IL1RAPL2: variants seen among roughly 807,000 people sequenced by gnomAD.
IL1RAPL2 encodes X-linked interleukin-1 receptor accessory protein-like 2.
In IL1RAPL2, 3 loss-of-function variants were observed where a neutral mutation model predicts 44.1. That is an observed-to-expected ratio of 0.07 (90% CI 0.03 to 0.18). The LOEUF (loss-of-function observed/expected upper bound fraction) is 0.18, where lower values mean the gene tolerates loss of function less well. Ranked by LOEUF, IL1RAPL2 falls within the 10% of genes least tolerant of loss-of-function variation. The probability of loss-of-function intolerance (pLI) is 1.00; values close to 1 mark genes in which losing one functional copy is unlikely to be tolerated. For missense variants in IL1RAPL2, 391 were observed against 496.4 expected, an observed-to-expected ratio of 0.79 and a Z score of 2.02; for synonymous variants, 181 against 178.8, an observed-to-expected ratio of 1.01 and a Z score of -0.10.
At chrX:105,218,261 C>T (rs928440182) in intron 3 of IL1RAPL2, among the ~76,000 whole-genome samples, 6 of 111,309 alleles carry the variant, frequency 5.4e-5, no homozygotes, top group Admixed American at 3.8e-4. Context: ...TGCCTGTCTG[C>T]TCCCTGGAAC....
intron 2 of IL1RAPL2, among the ~76,000 whole-genome samples, chrX:104,989,227 T>C (rs930550872): frequency 9.0e-6 from 1 of 111,593 alleles, no homozygotes; most frequent in African/African-American, 3.3e-5. Context: ...ATTCTTATTA[T>C]GCTCTTGGCA....
At chrX:104,724,435 G>GC (rs1329544682) in intron 2 of IL1RAPL2, among the ~76,000 whole-genome samples, 1 of 111,481 alleles carries the variant, frequency 9.0e-6, no homozygotes, top group East Asian at 2.9e-4. Context: ...TGCACATTGT[G>GC]CACATGTACC....
intron 5 of IL1RAPL2, among the ~76,000 whole-genome samples, chrX:105,468,945 T>C (rs189001843): frequency 1.2e-3 from 136 of 111,557 alleles, no homozygotes; most frequent in African/African-American, 4.2e-3. Flanking sequence ...TTACATTTAA[T>C]AGGAAAAAAA....
chrX:105,407,141 C>T lies in IL1RAPL2; in HGVS notation c.698-77172C>T, dbSNP rs1221987337. ...ACTCAGTTGTCTAGAAGAAATAACACTGTAAGGAAATTAAAAAAAAAAAAA... is the reference window on the plus strand; with the variant it reads ...ACTCAGTTGTCTAGAAGAAATAACATTGTAAGGAAATTAAAAAAAAAAAAA... On this transcript the variant is annotated intron_variant, in intron 5 of 10. Coordinates refer to ENST00000372582, the MANE Select transcript of IL1RAPL2 (RefSeq NM_017416.2). 12 of 431,153 alleles carry T rather than the reference C, an allele frequency of 2.8e-5. No homozygotes were observed. In the African/African-American group the frequency reaches 3.8e-4, roughly 14 times the overall value. The allele number at this position is 431,153 out of a possible 1,213,427, so 35.5% of individuals were successfully genotyped here.
At chrX:105,525,030 G>A (rs1452819051) in intron 6 of IL1RAPL2, among the ~76,000 whole-genome samples, 2 of 111,330 alleles carry the variant, frequency 1.8e-5, no homozygotes, top group African/African-American at 6.5e-5. Context: ...AAACATTCTA[G>A]GATATTTTCT....
intron 5 of IL1RAPL2, among the ~76,000 whole-genome samples, chrX:105,297,596 A>C (rs373689054): frequency 9.0e-6 from 1 of 110,687 alleles, no homozygotes; most frequent in Non-Finnish European, 1.9e-5. Context: ...CACTTATCAA[A>C]CAACCAGATC....
chrX:105,294,694 A>G (rs889955389), intron 5 of IL1RAPL2, among the ~76,000 whole-genome samples: 1 of 112,183 alleles, frequency 8.9e-6, no homozygotes, highest in Non-Finnish European at 1.9e-5. Flanking sequence ...TATGTACTCA[A>G]CCCTATGTTA....
At chrX:105,453,926 C>A (rs1449077783) in intron 5 of IL1RAPL2, among the ~76,000 whole-genome samples, 1 of 111,958 alleles carries the variant, frequency 8.9e-6, no homozygotes, top group Non-Finnish European at 1.9e-5. Flanking sequence ...GTGCTCAACA[C>A]TCATCTTCTT....
chrX:104,979,271 C>T (rs1280036713), intron 2 of IL1RAPL2, among the ~76,000 whole-genome samples: 2 of 110,815 alleles, frequency 1.8e-5, no homozygotes, highest in Admixed American at 9.7e-5. Flanking sequence ...ATTCCCTCTC[C>T]CATTATACCA....
intron 5 of IL1RAPL2, among the ~76,000 whole-genome samples, chrX:105,469,127 A>G (rs2036149746): frequency 9.0e-6 from 1 of 111,472 alleles, no homozygotes; most frequent in Non-Finnish European, 1.9e-5. Flanking sequence ...GTTTAATTGC[A>G]CTTTAGATGA....
rs1453780358 is a variant in IL1RAPL2, at chrX:105,114,334, T to C, written c.83-81141T>C. ...CTGTAAGAAATGAATGTATGTTGTT[T>C]ATGAGCTACCCAGTTTATGGTATTT... is the stretch of plus-strand genomic sequence containing the variant. On this transcript the variant is annotated intron_variant, in intron 2 of 10. Coordinates refer to ENST00000372582, the MANE Select transcript of IL1RAPL2 (RefSeq NM_017416.2). Among the ~76,000 whole-genome samples the C allele has an allele frequency of 2.7e-5, 3 of 112,096 alleles. No individual in the cohort carries two copies. The East Asian group carries it at 8.4e-4, about 31-fold the overall frequency.
At chrX:105,058,055 T>C (rs1467676267) in intron 2 of IL1RAPL2, among the ~76,000 whole-genome samples, 1 of 108,719 alleles carries the variant, frequency 9.2e-6, no homozygotes, top group Non-Finnish European at 1.9e-5. Context: ...TTCACGCCAT[T>C]CTCCTGCCTC....
intron 7 of IL1RAPL2, among the ~76,000 whole-genome samples, chrX:105,723,085 T>C (rs1602539872): frequency 9.0e-6 from 1 of 111,607 alleles, no homozygotes; most frequent in East Asian, 2.8e-4. Flanking sequence ...TTCTCTCATT[T>C]TACCATAGGC....
At chrX:105,015,907 A>G (rs1221743318) in intron 2 of IL1RAPL2, among the ~76,000 whole-genome samples, 1 of 111,501 alleles carries the variant, frequency 9.0e-6, no homozygotes, top group Non-Finnish European at 1.9e-5. Flanking sequence ...TTTGATCAGT[A>G]TGGCCATTTT....
intron 7 of IL1RAPL2, among the ~76,000 whole-genome samples, chrX:105,724,759 A>G (rs927891471): frequency 8.9e-6 from 1 of 112,242 alleles, no homozygotes; most frequent in South Asian, 3.6e-4. Flanking sequence ...AAGCTCTACC[A>G]TGTTTATTCA....
At chrX:105,289,934 G>A (rs1218608292) in intron 5 of IL1RAPL2, among the ~76,000 whole-genome samples, 1 of 111,613 alleles carries the variant, frequency 9.0e-6, no homozygotes, top group Admixed American at 9.6e-5. Flanking sequence ...AAGGAAGATT[G>A]AGGAGGAGTA....
intron 5 of IL1RAPL2, among the ~76,000 whole-genome samples, chrX:105,381,084 G>A (rs762281093): frequency 9.0e-6 from 1 of 111,086 alleles, no homozygotes; most frequent in African/African-American, 3.3e-5. Flanking sequence ...CCCCCATAGA[G>A]CTCATATTTT....
At chrX:105,378,473 C>T in intron 5 of IL1RAPL2, among the ~76,000 whole-genome samples, 1 of 111,270 alleles carries the variant, frequency 9.0e-6, no homozygotes, top group East Asian at 2.8e-4. Flanking sequence ...CTTCCTTGTG[C>T]TAATACAATC....
chrX:104,761,858 C>T (rs1602715221), intron 2 of IL1RAPL2, among the ~76,000 whole-genome samples: 1 of 35,308 alleles, frequency 2.8e-5, no homozygotes, highest in African/African-American at 1.6e-4. Flanking sequence ...TCTCCTTCTC[C>T]TTCTCCTTCT....
Sources: gnomAD v4.1 joint callset for allele counts (sites outside exome capture counted in the v4.1 genomes callset) on GRCh38, gnomAD v4.1.1 for gene constraint, MANE v1.5 for transcripts, NCBI Gene and HGNC (gene_info 2026-07-23, HGNC 2026-07-21) for gene names.